Variants in DOCK7 observed in about 807,000 individuals in gnomAD.
DOCK7 encodes the protein dedicator of cytokinesis 7, also known as dedicator of cytokinesis protein 7.
DOCK7 carries 138 observed loss-of-function variants against 271.0 expected under a neutral mutation model. The observed-to-expected ratio is 0.51, with a 90% CI of 0.44 to 0.59. The LOEUF is 0.59. DOCK7 is among the 20% of genes least tolerant of loss of function. The pLI is 0.00. For missense variants in DOCK7, 2,066 were observed against 2,592.4 expected, an observed-to-expected ratio of 0.80 and a Z score of 4.41; for synonymous variants, 823 against 876.1, an observed-to-expected ratio of 0.94 and a Z score of 1.07.
chr1:62,474,879 T>G (rs557815160), intron 47 of DOCK7, among the ~76,000 whole-genome samples: 157 of 152,302 alleles, frequency 1.0e-3, no homozygotes, highest in African/African-American at 3.2e-3. Flanking sequence ...TATCACTTAT[T>G]TAATCCTCAC....
intron 14 of DOCK7, chr1:62,605,018 A>T (rs1650768046): frequency 1.8e-6 from 1 of 555,354 alleles, no homozygotes; most frequent in Non-Finnish European, 3.1e-6. Flanking sequence ...CAAAATTCTT[A>T]TAATACTATT....
intron 11 of DOCK7, chr1:62,627,908 C>A (rs1654145188): frequency 6.6e-6 from 1 of 151,964 alleles, no homozygotes; most frequent in Non-Finnish European, 1.5e-5. Context: ...TAAAAGAAAC[C>A]CAAAATTGCC....
Position 62,577,255 on chromosome 1 carries a change from C to T in DOCK7, c.2112+7G>A, listed in dbSNP as rs1646967079. ...ATCTGGAGAAAGTCAACATGGGAGA[C>T]ACTGACCTCAGGAGACAGTACAGAA... On this transcript the variant is annotated splice_region_variant and intron_variant, in intron 18 of 49. Transcript: ENST00000635253. 1 of 1,449,754 alleles carries T rather than the reference C, an allele frequency of 6.9e-7. No homozygotes were observed. Among genetic ancestry groups the T allele is most frequent in the Admixed American group, 2.0e-5 (1 of 50,508 alleles). 89.8% of individuals were successfully genotyped at this position (1,449,754 alleles called of 1,614,324 possible).
intron 14 of DOCK7, among the ~76,000 whole-genome samples, chr1:62,597,219 T>G (rs1322756709): frequency 6.6e-6 from 1 of 152,184 alleles, no homozygotes; most frequent in African/African-American, 2.4e-5. Flanking sequence ...AAAAGTTTAT[T>G]TTTGACTTGT....
At position 62,559,051 on chromosome 1, in the gene DOCK7, T is replaced by G; in HGVS notation, c.2369A>C (p.His790Pro). 6.2e-7 allele frequency: 1 copy of G among 1,613,878 alleles called. No homozygotes were observed. Among genetic ancestry groups the G allele is most frequent in the East Asian group, 2.2e-5 (1 of 44,868 alleles). ...SQLEPVVRFL[H>P]LLLDKLILLV... The stretch of plus-strand genomic sequence containing the variant: ...AAGTATCAGTTTATCTAGCAGAAGA[T>G]GAAGAAATCGGACCACTGGTTCCAG... Residue 790 changes from histidine (H) to proline (P), a missense_variant, in exon 20 of 50, where the codon CAT (histidine) becomes CCT (proline). By Grantham distance (77) the His-to-Pro change is moderately conservative. This residue lies in a region of DOCK7 where 1,414 missense variants were observed against 1,670.4 expected (regional missense o/e 0.85). Transcript: ENST00000635253.
intron 2 of DOCK7, among the ~76,000 whole-genome samples, chr1:62,661,835 A>C (rs531821603): frequency 1.3e-5 from 2 of 152,140 alleles, no homozygotes; most frequent in Non-Finnish European, 2.9e-5. Context: ...TGATTATAGA[A>C]ATTTTGAGTA....
chr1:62,541,349 CAT>C (rs772267301), intron 25 of DOCK7, among the ~76,000 whole-genome samples: 4 of 152,164 alleles, frequency 2.6e-5, no homozygotes, highest in Non-Finnish European at 5.9e-5. Flanking sequence ...CCTTTGTTTA[CAT>C]ATGTGTGTGT....
intron 49 of DOCK7, 112 bp downstream of exon 49, chr1:62,457,426 G>T: frequency 1.8e-6 from 2 of 1,084,932 alleles, no homozygotes; most frequent in South Asian, 1.6e-5. Context: ...AAACACTTCT[G>T]GTCCTAAGCT....
chr1:62,604,821 G>A (rs766013795), intron 14 of DOCK7: 4 of 1,612,206 alleles, frequency 2.5e-6, no homozygotes, highest in Non-Finnish European at 3.4e-6. Context: ...TGAATGAACT[G>A]AGGCAAATTT....
rs192197842 is a variant in DOCK7, at chr1:62,457,710, G to C, written c.6213-5C>G. 6.0e-4 allele frequency: 965 copies of C among 1,609,944 alleles called. No individual in the cohort carries two copies. Among genetic ancestry groups the C allele is most frequent in the Non-Finnish European group, 7.7e-4 (904 of 1,178,894 alleles). ...TTTCTTAAGGCATCTTCACACCTAG[G>C]AAAAACAGGATGTTATCAAGATATT... On this transcript the variant is annotated splice_region_variant and splice_polypyrimidine_tract_variant and intron_variant, in intron 48 of 49. Coordinates refer to ENST00000635253, the MANE Select transcript of DOCK7 (RefSeq NM_001367561.1).
chr1:62,553,312 TTATATATA>T (rs1370176103), intron 21 of DOCK7, among the ~76,000 whole-genome samples: 40 of 20,542 alleles, frequency 1.9e-3, no homozygotes, highest in Admixed American at 2.3e-3. Flanking sequence ...AAAAAGTATT[TTATATATA>T]TATATATATA....
chr1:62,614,709 C>T (rs2149575695), intron 14 of DOCK7, among the ~76,000 whole-genome samples: 1 of 152,002 alleles, frequency 6.6e-6, no homozygotes, highest in Admixed American at 6.6e-5. Flanking sequence ...CCATAGATTT[C>T]TAAGATATAG....
chr1:62,474,382 C>A (rs1645913156), intron 47 of DOCK7, among the ~76,000 whole-genome samples: 1 of 152,188 alleles, frequency 6.6e-6, no homozygotes, highest in African/African-American at 2.4e-5. Flanking sequence ...TTTTCACATT[C>A]TTTAATGTAT....
intron 43 of DOCK7, chr1:62,486,243 C>T (rs1646289083): frequency 6.6e-6 from 1 of 152,056 alleles, no homozygotes; most frequent in African/African-American, 2.4e-5. Flanking sequence ...TATAAAAGTA[C>T]TGGCTTCATC....
chr1:62,460,098 C>CAAAAAAAAAAAAAAAAAAA (rs71053316), intron 48 of DOCK7, among the ~76,000 whole-genome samples: 1 of 66,022 alleles, frequency 1.5e-5, no homozygotes, highest in Non-Finnish European at 2.7e-5. Context: ...AGACTCGTCT[C>CAAAAAAAAAAAAAAAAAAA]AAAAAAAAAA....
chr1:62,621,613 T>C (rs1038605184), intron 12 of DOCK7, among the ~76,000 whole-genome samples: 2 of 152,160 alleles, frequency 1.3e-5, no homozygotes, highest in Non-Finnish European at 2.9e-5. Context: ...ATCTCACTAT[T>C]TAGAAAAAAT....
At chr1:62,529,255 T>A (rs1319415118) in intron 30 of DOCK7, 22 bp downstream of exon 30, 3 of 1,549,798 alleles carry the variant, frequency 1.9e-6, no homozygotes, top group Non-Finnish European at 1.7e-6. Flanking sequence ...CCTTTAATAT[T>A]TGCCTTAATT....
At chr1:62,472,745 C>A (rs1188567159) in intron 48 of DOCK7, among the ~76,000 whole-genome samples, 2 of 152,182 alleles carry the variant, frequency 1.3e-5, no homozygotes, top group Non-Finnish European at 2.9e-5. Flanking sequence ...AAACAGGTTT[C>A]TTTCTATTAC....
intron 31 of DOCK7, among the ~76,000 whole-genome samples, chr1:62,519,217 T>C (rs1644771803): frequency 6.6e-6 from 1 of 152,094 alleles, no homozygotes; most frequent in Non-Finnish European, 1.5e-5. Flanking sequence ...AGTGGGATAT[T>C]AGAATAAGCA....
Sources: gnomAD v4.1 joint callset for allele counts (sites outside exome capture counted in the v4.1 genomes callset) on GRCh38, gnomAD v4.1.1 for gene constraint, gnomAD v4.1.1 regional missense constraint, MANE v1.5 for transcripts, NCBI Gene and HGNC (gene_info 2026-07-23, HGNC 2026-07-21) for gene names.